LINGO2: variants seen among roughly 807,000 people sequenced by gnomAD.
LINGO2 encodes the protein leucine rich repeat and Ig domain containing 2.
In LINGO2, 14 loss-of-function variants were observed where a neutral mutation model predicts 30.6. The ratio of observed to expected loss-of-function variants is 0.46; its 90% CI spans 0.30 to 0.72. The LOEUF (loss-of-function observed/expected upper bound fraction) is 0.72. LINGO2 is among the 30% of genes least tolerant of loss of function. The pLI, the probability that LINGO2 is intolerant of heterozygous loss-of-function variation, is 0.07. For synonymous variants in LINGO2, 317 were observed against 288.5 expected, an observed-to-expected ratio of 1.10 and a Z score of -1.00; for missense variants, 729 against 751.7, an observed-to-expected ratio of 0.97 and a Z score of 0.35.
At chr9:28,491,589 AT>A (rs1208512609) in intron 1 of LINGO2, among the ~76,000 whole-genome samples, 1 of 152,144 alleles carries the variant, frequency 6.6e-6, no homozygotes, top group African/African-American at 2.4e-5. Flanking sequence ...TATTTTAACT[AT>A]GTTTTTGTAT....
chr9:28,028,119 C>T (rs1823473042), intron 4 of LINGO2, among the ~76,000 whole-genome samples: 1 of 152,102 alleles, frequency 6.6e-6, no homozygotes, highest in Non-Finnish European at 1.5e-5. Context: ...GTTTTCATCA[C>T]TCATGCTATA....
At chr9:28,504,742 A>G (rs1358722728) in intron 1 of LINGO2, among the ~76,000 whole-genome samples, 1 of 151,890 alleles carries the variant, frequency 6.6e-6, no homozygotes, top group African/African-American at 2.4e-5. Flanking sequence ...AAAATATGTC[A>G]TTGTAAGTAC....
At chr9:28,321,639 C>T (rs80304529) in intron 3 of LINGO2, among the ~76,000 whole-genome samples, 3,912 of 152,192 alleles carry the variant, frequency 0.026, 158 homozygotes, top group African/African-American at 0.088. Flanking sequence ...CAGAGAAGTG[C>T]TATAATAGGG....
chr9:28,037,385 A>T (rs1382134388), intron 4 of LINGO2, among the ~76,000 whole-genome samples: 1 of 151,948 alleles, frequency 6.6e-6, no homozygotes, highest in Non-Finnish European at 1.5e-5. Flanking sequence ...TTTTCACACT[A>T]TTTACCTTGC....
chr9:28,725,107 T>C, the LINGO2 span, among the ~76,000 whole-genome samples: 1 of 152,150 alleles, frequency 6.6e-6, no homozygotes, highest in East Asian at 1.9e-4. Context: ...ATCTATTCCA[T>C]GAGGCAAACT....
intron 3 of LINGO2, among the ~76,000 whole-genome samples, chr9:28,368,904 C>T (rs1269344656): frequency 6.6e-6 from 1 of 152,108 alleles, no homozygotes; most frequent in African/African-American, 2.4e-5. Flanking sequence ...CCTAGAGTGC[C>T]TTCTTTCTGT....
the LINGO2 span, among the ~76,000 whole-genome samples, chr9:29,004,691 C>G: frequency 2.6e-5 from 4 of 151,922 alleles, no homozygotes; most frequent in East Asian, 1.9e-4. Context: ...GTCTATATAA[C>G]AGCAATTCCA....
At chr9:28,747,160 G>A in the LINGO2 span, among the ~76,000 whole-genome samples, 45,215 of 151,670 alleles carry the variant, frequency 0.3, 7,852 homozygotes, top group African/African-American at 0.47. Flanking sequence ...GGATCCAGAA[G>A]GAGAGGAGGA....
chr9:28,339,872 G>A (rs1038172760), intron 3 of LINGO2, among the ~76,000 whole-genome samples: 1 of 152,092 alleles, frequency 6.6e-6, no homozygotes, highest in African/African-American at 2.4e-5. Context: ...CTGTTGATTG[G>A]AGCCCCTTTA....
At chr9:28,384,103 T>A (rs535370453) in intron 2 of LINGO2, among the ~76,000 whole-genome samples, 1 of 151,756 alleles carries the variant, frequency 6.6e-6, no homozygotes, top group Non-Finnish European at 1.5e-5. Context: ...ATATTACTGA[T>A]CTCTATCATA....
chr9:28,890,195 T>TTTTG, the LINGO2 span, among the ~76,000 whole-genome samples: 2 of 150,982 alleles, frequency 1.3e-5, no homozygotes, highest in African/African-American at 4.9e-5. Context: ...TTTTCTTGGT[T>TTTTG]TTTTGTTTTG....
intron 1 of LINGO2, among the ~76,000 whole-genome samples, chr9:28,642,044 TTACA>T (rs57945896): frequency 0.025 from 3,770 of 150,120 alleles, 149 homozygotes; most frequent in African/African-American, 0.081. Flanking sequence ...AAGCATTTCC[TTACA>T]TTTAAATGTT....
intron 4 of LINGO2, among the ~76,000 whole-genome samples, chr9:28,120,628 T>A (rs1827067377): frequency 6.6e-6 from 1 of 152,228 alleles, no homozygotes. Flanking sequence ...AATATCAGTT[T>A]GGTTTTTACT....
chr9:28,993,668 A>T, the LINGO2 span, among the ~76,000 whole-genome samples: 1 of 150,412 alleles, frequency 6.6e-6, no homozygotes, highest in Non-Finnish European at 1.5e-5. Context: ...CTTATCCACC[A>T]TGATCAAGTG....
chr9:28,015,820 GTTCATTT>G (rs1227908210), intron 4 of LINGO2, among the ~76,000 whole-genome samples: 1 of 151,834 alleles, frequency 6.6e-6, no homozygotes, highest in Non-Finnish European at 1.5e-5. Context: ...TTATTAATTT[GTTCATTT>G]TACAAATATA....
chr9:28,991,313 G>GA, the LINGO2 span, among the ~76,000 whole-genome samples: 5 of 151,192 alleles, frequency 3.3e-5, no homozygotes, highest in Admixed American at 3.3e-4. Context: ...GAAGTTTAGA[G>GA]AAAAAAGAAT....
chr9:28,102,465 C>T (rs188062579), intron 4 of LINGO2, among the ~76,000 whole-genome samples: 105 of 152,044 alleles, frequency 6.9e-4, no homozygotes, highest in African/African-American at 2.5e-3. Flanking sequence ...AGCAAGAAAA[C>T]ATTTGCAAGA....
chr9:28,859,959 A>G, the LINGO2 span, among the ~76,000 whole-genome samples: 1 of 152,042 alleles, frequency 6.6e-6, no homozygotes, highest in Non-Finnish European at 1.5e-5. Context: ...TGAAGACATG[A>G]CTAGGTTACA....
chr9:28,995,431 A>G, the LINGO2 span, among the ~76,000 whole-genome samples: 6 of 152,332 alleles, frequency 3.9e-5, no homozygotes, highest in African/African-American at 1.4e-4. Context: ...GGGACTGTAA[A>G]CTAGTTCAAC....
Sources: allele counts gnomAD v4.1 joint callset (sites outside exome capture counted in the v4.1 genomes callset), GRCh38; gene constraint gnomAD v4.1.1; transcripts MANE v1.5; gene names NCBI Gene and HGNC (gene_info 2026-07-23, HGNC 2026-07-21).